Variants in BID observed in about 807,000 individuals in gnomAD.
The protein encoded by BID is BH3-interacting domain death agonist.
BID carries 19 observed loss-of-function variants against 17.4 expected under a neutral mutation model. That is an observed-to-expected ratio of 1.09 (90% confidence interval 0.76 to 1.60). The LOEUF (loss-of-function observed/expected upper bound fraction) is 1.60, where lower values mean the gene tolerates loss of function less well. Among genes scored for constraint, BID ranks in the 40% most tolerant of loss-of-function variants. The pLI, the probability that BID is intolerant of heterozygous loss-of-function variation, is 0.00. For synonymous variants in BID, 108 were observed against 102.8 expected (o/e 1.05, Z -0.31); for missense variants, 226 against 256.0 (o/e 0.88, Z 0.80).
chr22:17,758,062 C>T (rs1038993161), intron 1 of BID, among the ~76,000 whole-genome samples: 1 of 152,208 alleles, frequency 6.6e-6, no homozygotes, highest in African/African-American at 2.4e-5. Context: ...CCCGGCTCCA[C>T]AAGCTGGCCT....
intron 5 of BID, 65 bp from the exon 6 acceptor site, chr22:17,735,656 T>C: frequency 6.3e-7 from 1 of 1,599,152 alleles, no homozygotes. Context: ...GCTCCAGAGC[T>C]CTGTGCCACA....
intron 5 of BID, 109 bp from the exon 6 acceptor site, chr22:17,735,700 TTCTCCAGACCCCTG>T: frequency 7.5e-7 from 1 of 1,334,964 alleles, no homozygotes; most frequent in South Asian, 1.2e-5. Context: ...CAAAAACATG[TTCTCCAGACCCCTG>T]AAGTCCTATC....
chr22:17,747,051 CAGAAAAT>C (rs2061499558), intron 2 of BID, among the ~76,000 whole-genome samples: 1 of 152,156 alleles, frequency 6.6e-6, no homozygotes. Context: ...CAAGATCCCA[CAGAAAAT>C]AAAGACTCGA....
rs144629807 is a variant in BID at position 17,739,097 on chromosome 22, T to A, written c.363+252A>T. On this transcript the variant is annotated intron_variant, in intron 4 of 5. Coordinates refer to ENST00000622694, the MANE Select transcript of BID (RefSeq NM_001196.4). Reference sequence around the variant, plus strand: ...TCTTCTGTTGGCCAAACATGCTTCGTTCATCTTTTAGAGGCTTTTACCCCT... The same window carrying A: ...TCTTCTGTTGGCCAAACATGCTTCGATCATCTTTTAGAGGCTTTTACCCCT... 3.3e-5 allele frequency among the ~76,000 whole-genome samples: 5 copies of A among 152,360 alleles called. No homozygotes were observed. In the East Asian group the frequency reaches 9.6e-4, roughly 29 times the overall value.
chr22:17,752,653 T>A (rs2061548017), intron 1 of BID, among the ~76,000 whole-genome samples: 1 of 147,512 alleles, frequency 6.8e-6, no homozygotes, highest in Non-Finnish European at 1.5e-5. Context: ...AGGGCTGTGA[T>A]GAGTACCCCA....
In BID at chr22:17,761,069, G is replaced by A. The variant is rs531062844; in HGVS notation, c.-58-10895C>T. On this transcript the variant is annotated intron_variant, in intron 1 of 5. Transcript: ENST00000622694. Reference sequence around the variant, plus strand: ...TTGTGATTTGACAACCACTCTTCCCGTGCAGGTCTTACAAGATAACGCTTA... The same window carrying A: ...TTGTGATTTGACAACCACTCTTCCCATGCAGGTCTTACAAGATAACGCTTA... Among the ~76,000 whole-genome samples, 54 of 152,254 alleles carry A rather than the reference G, an allele frequency of 3.5e-4. 1 individual carries two copies. The highest frequency in any genetic ancestry group is 6.8e-3 in the Middle Eastern group (2 of 294).
intron 1 of BID, among the ~76,000 whole-genome samples, chr22:17,763,305 A>C (rs1236067595): frequency 6.6e-6 from 1 of 150,510 alleles, no homozygotes; most frequent in East Asian, 2.0e-4. Context: ...GTGCAGTGGC[A>C]CAATCTTGGC....
chr22:17,736,289 C>A (rs1022320402), intron 5 of BID, among the ~76,000 whole-genome samples: 3 of 151,948 alleles, frequency 2.0e-5, no homozygotes, highest in African/African-American at 7.3e-5. Context: ...GAAACCTCAT[C>A]TCTACTAAAA....
rs745612459 is a variant in BID, at chr22:17,768,057, G to A, written c.-59+6324C>T. 5.3e-5 allele frequency among the ~76,000 whole-genome samples: 8 copies of A among 152,064 alleles called. 1 individual carries two copies. Among genetic ancestry groups the A allele is most frequent in the Non-Finnish European group, 1.2e-4 (8 of 67,998 alleles). ...GACCACGTAGTGTGTGATTCCATTA[G>A]TATGAAATGTCCTAAATGTGCAACT... is the stretch of plus-strand genomic sequence containing the variant. On this transcript the variant is annotated intron_variant, in intron 1 of 5. Coordinates refer to ENST00000622694, the MANE Select transcript of BID (RefSeq NM_001196.4).
At position 17,769,629 on chromosome 22, in the gene BID, G is replaced by A. The variant is rs2061704914; in HGVS notation, c.-59+4752C>T. Among the ~76,000 whole-genome samples the A allele has an allele frequency of 6.6e-6, 1 of 152,238 alleles. No individual in the cohort carries two copies. The highest frequency in any genetic ancestry group is 1.5e-5 in the Non-Finnish European group (1 of 68,034). On this transcript the variant is annotated intron_variant, in intron 1 of 5. Transcript: ENST00000622694. This position sits in a 1 kb window ranked among gnomAD's most constrained non-coding sequence, Gnocchi z 4.8. ...GCCTGCTGGAAGGATCCTGGGGACA[G>A]TTGTTAAGGCAATTTTATCTTCTCA...
In BID at chr22:17,738,212, C is replaced by G; in HGVS notation, c.381G>C (p.Leu127=). 1 of 1,611,234 alleles carries G rather than the reference C, an allele frequency of 6.2e-7. No individual in the cohort carries two copies. The highest frequency in any genetic ancestry group is 2.2e-5 in the East Asian group (1 of 44,872). The change falls in exon 5 of 6, where the codon CTG becomes CTC. Residue 127 remains leucine, a synonymous_variant. Coordinates refer to ENST00000622694, the MANE Select transcript of BID (RefSeq NM_001196.4). ...SRSEEDRNRD[L]ATALEQLLQA... is the part of the protein sequence containing the mutation. Reference sequence around the variant, plus strand: ...GCAGCAGCTGCTCCAGGGCAGTGGCCAGGTCCCTGTTCCGGTCCTGCACAG... The same window carrying G: ...GCAGCAGCTGCTCCAGGGCAGTGGCGAGGTCCCTGTTCCGGTCCTGCACAG...
chr22:17,763,033 C>T (rs2061652394), intron 1 of BID, among the ~76,000 whole-genome samples: 1 of 151,838 alleles, frequency 6.6e-6, no homozygotes, highest in African/African-American at 2.4e-5. Context: ...TGCACCACCT[C>T]ATCCGGCTAA....
intron 1 of BID, among the ~76,000 whole-genome samples, chr22:17,755,795 G>A (rs961297949): frequency 2.5e-4 from 13 of 51,958 alleles, no homozygotes; most frequent in African/African-American, 1.0e-3. Flanking sequence ...AGCAAACTCC[G>A]TCTCAAAAAA....
rs1402111296 is a variant in BID, at chr22:17,763,892, C to T, written c.-59+10489G>A. Among the ~76,000 whole-genome samples the T allele has an allele frequency of 2.3e-5, 3 of 130,406 alleles. No homozygotes were observed. In the Admixed American group the frequency reaches 2.5e-4, roughly 11 times the overall value. The allele number at this position is 130,406 out of a possible 152,430, so 85.6% of individuals were successfully genotyped here. ...TTTACAAGGTGAACATATATATAGA[C>T]CACTTATAATTTAAAAAAAAAAAAA... On this transcript the variant is annotated intron_variant, in intron 1 of 5. Transcript: ENST00000622694.
At chr22:17,748,276 C>G (rs547537705) in intron 2 of BID, among the ~76,000 whole-genome samples, 6 of 135,308 alleles carry the variant, frequency 4.4e-5, no homozygotes, top group Admixed American at 2.2e-4. Context: ...TTGGGAGGCC[C>G]AGACGGGCGG....
chr22:17,740,325 G>C lies in BID; in HGVS notation c.224-837C>G. On this transcript the variant is annotated intron_variant, in intron 3 of 5. Transcript: ENST00000622694. ...GTGGTCATGCATGCCTGTAATCCCA[G>C]TGCTTTGGGAGGCTGAGGACAGAAG... 7.1e-6 allele frequency: 5 copies of C among 700,772 alleles called. No individual in the cohort carries two copies. In the South Asian group the frequency reaches 8.4e-5, roughly 12 times the overall value. 43.4% of individuals were successfully genotyped at this position (700,772 alleles called of 1,614,324 possible).
At chr22:17,762,918 C>G (rs2061651325) in intron 1 of BID, among the ~76,000 whole-genome samples, 1 of 151,918 alleles carries the variant, frequency 6.6e-6, no homozygotes, top group Non-Finnish European at 1.5e-5. Flanking sequence ...ACTCTGTCAC[C>G]CAGGCTGGAG....
At chr22:17,750,206 T>C (rs769327282) in intron 1 of BID, 32 bp from the exon 2 acceptor site, 102 of 1,586,150 alleles carry the variant, frequency 6.4e-5, no homozygotes, top group Non-Finnish European at 8.0e-5. Flanking sequence ...GGGCGGCCGC[T>C]CCTGGGAAGC....
At chr22:17,768,909 G>C (rs967504536) in intron 1 of BID, among the ~76,000 whole-genome samples, 1 of 149,994 alleles carries the variant, frequency 6.7e-6, no homozygotes, top group Non-Finnish European at 1.5e-5. Flanking sequence ...GGGCGTGGTG[G>C]TGGGCGCCTG....
Sources: allele counts gnomAD v4.1 joint callset (sites outside exome capture counted in the v4.1 genomes callset), GRCh38; gene constraint gnomAD v4.1.1; non-coding constraint Gnocchi (gnomAD v3.1); transcripts MANE v1.5; gene names NCBI Gene and HGNC (gene_info 2026-07-23, HGNC 2026-07-21).